NCALD: variants seen among roughly 807,000 people sequenced by gnomAD.
NCALD encodes the protein neurocalcin-delta.
Under a neutral mutation model 18.6 loss-of-function variants are expected in NCALD, and 10 were observed. That is an observed-to-expected ratio of 0.54 (90% CI 0.33 to 0.91). The LOEUF (loss-of-function observed/expected upper bound fraction) is 0.91, where lower values mean the gene tolerates loss of function less well. Ranked by LOEUF, NCALD falls within the 40% of genes least tolerant of loss-of-function variation. The pLI is 0.03. For synonymous variants in NCALD, 88 were observed against 87.4 expected (o/e 1.01, Z -0.04); for missense variants, 184 against 247.6 (o/e 0.74, Z 1.72).
At chr8:101,729,369 C>G (rs969432865) in intron 1 of NCALD, among the ~76,000 whole-genome samples, 1 of 152,222 alleles carries the variant, frequency 6.6e-6, no homozygotes, top group Admixed American at 6.5e-5. Flanking sequence ...ATTCTCTCCT[C>G]TCGCCTCTGC....
Position 102,082,224 on chromosome 8 carries a change from C to CTTTTTTTTT in NCALD, c.-210+42012_-210+42013insAAAAAAAAA, listed in dbSNP as rs1362023921. Among the ~76,000 whole-genome samples the CTTTTTTTTT allele has an allele frequency of 1.4e-3, 157 of 109,414 alleles. 16 individuals carry two copies. Among genetic ancestry groups the CTTTTTTTTT allele is most frequent in the African/African-American group, 5.7e-3 (151 of 26,452 alleles). 71.8% of individuals were successfully genotyped at this position (109,414 alleles called of 152,430 possible). A position where few individuals can be genotyped will look rare whatever the true frequency, so the allele number is the denominator to read the frequency against. On this transcript the variant is annotated intron_variant, in intron 1 of 6. Coordinates refer to the NCALD transcript ENST00000311028. ...AATGGGCAGTTATTTGAGAAGCTCT[C>CTTTTTTTTT]TCTTTTTTTTTTTTTTTTTTTTTTT... is the stretch of plus-strand genomic sequence containing the variant.
chr8:101,845,204 C>A (rs1436204691), intron 4 of NCALD, among the ~76,000 whole-genome samples: 1 of 152,192 alleles, frequency 6.6e-6, no homozygotes, highest in Non-Finnish European at 1.5e-5. Context: ...GAAAAAATGT[C>A]AGCTGAACTA....
At chr8:101,820,526 G>A (rs893064283) in intron 4 of NCALD, among the ~76,000 whole-genome samples, 8 of 152,202 alleles carry the variant, frequency 5.3e-5, no homozygotes, top group African/African-American at 1.2e-4. Flanking sequence ...TGTCTCAAGT[G>A]TGGTTTCTTA....
chr8:102,016,957 T>C (rs1464857839), intron 2 of NCALD, among the ~76,000 whole-genome samples: 1 of 151,892 alleles, frequency 6.6e-6, no homozygotes, highest in East Asian at 1.9e-4. Flanking sequence ...AAGGCTCTCA[T>C]GGAAAAGGAA....
intron 2 of NCALD, among the ~76,000 whole-genome samples, chr8:101,981,195 T>G (rs1287762966): frequency 6.6e-6 from 1 of 152,220 alleles, no homozygotes; most frequent in African/African-American, 2.4e-5. Context: ...AACCCGTTGG[T>G]TTATTACCAG....
chr8:101,796,870 G>T (rs1231523768), intron 4 of NCALD, among the ~76,000 whole-genome samples: 1 of 152,174 alleles, frequency 6.6e-6, no homozygotes, highest in African/African-American at 2.4e-5. Context: ...GGCCAAACCT[G>T]TCTCCCATTT....
At chr8:101,832,355 A>G (rs748411048) in intron 4 of NCALD, among the ~76,000 whole-genome samples, 1 of 152,110 alleles carries the variant, frequency 6.6e-6, no homozygotes, top group Admixed American at 6.5e-5. Context: ...AGACCCACAC[A>G]CTGGACGGAG....
chr8:102,002,601 T>A (rs1033690814), intron 2 of NCALD, among the ~76,000 whole-genome samples: 1 of 152,100 alleles, frequency 6.6e-6, no homozygotes, highest in Non-Finnish European at 1.5e-5. Flanking sequence ...ACCACACCTA[T>A]TCCAAAACTG....
chr8:101,878,235 T>A (rs16868671), intron 4 of NCALD, among the ~76,000 whole-genome samples: 1,996 of 152,374 alleles, frequency 0.013, 10 homozygotes, highest in African/African-American at 0.026. Flanking sequence ...CCACTGAAAG[T>A]GAGAGCTGTT....
intron 3 of NCALD, among the ~76,000 whole-genome samples, chr8:101,894,003 AC>A (rs1385975623): frequency 1.4e-5 from 2 of 147,522 alleles, no homozygotes; most frequent in Non-Finnish European, 2.9e-5. Context: ...TAAGCTCTCC[AC>A]CAAGTGGACC....
chr8:102,019,137 C>T (rs940322577), intron 2 of NCALD, among the ~76,000 whole-genome samples: 3 of 151,920 alleles, frequency 2.0e-5, no homozygotes, highest in African/African-American at 7.2e-5. Context: ...ATAAGATACC[C>T]AAATGGCCAA....
chr8:102,025,416 A>G (rs1422194309), intron 1 of NCALD, among the ~76,000 whole-genome samples: 2 of 152,216 alleles, frequency 1.3e-5, no homozygotes, highest in Non-Finnish European at 2.9e-5. Context: ...CCCACAATGA[A>G]TACTCACTTC....
At chr8:102,078,944 G>T (rs1322721053) in intron 1 of NCALD, among the ~76,000 whole-genome samples, 4 of 152,180 alleles carry the variant, frequency 2.6e-5, no homozygotes, top group Non-Finnish European at 5.9e-5. Flanking sequence ...GTAAATGAAG[G>T]AATATGAGTC....
At chr8:102,017,326 A>G (rs1487018824) in intron 2 of NCALD, among the ~76,000 whole-genome samples, 1 of 152,202 alleles carries the variant, frequency 6.6e-6, no homozygotes, top group Non-Finnish European at 1.5e-5. Context: ...ATAAAACTAA[A>G]TATAAAGCTT....
At chr8:102,112,650 G>T (rs1270590328) in intron 1 of NCALD, among the ~76,000 whole-genome samples, 2 of 152,172 alleles carry the variant, frequency 1.3e-5, no homozygotes, top group African/African-American at 4.8e-5. Flanking sequence ...AAGGTTGTTT[G>T]TCTCCACCAA....
In NCALD at chr8:102,064,418, G is replaced by A. The variant is rs978563132; in HGVS notation, c.-209-44129C>T. Among the ~76,000 whole-genome samples, 3 of 152,206 alleles carry A rather than the reference G, an allele frequency of 2.0e-5. No individual in the cohort carries two copies. The South Asian group carries it at 6.2e-4, about 31-fold the overall frequency. ...AAACAGGTGCCACCAGGGCAAGGCA[G>A]GCTGAGGGAGAATGAATGGATGGCT... is the stretch of plus-strand genomic sequence containing the variant. On this transcript the variant is annotated intron_variant, in intron 1 of 6. Coordinates refer to the NCALD transcript ENST00000311028.
At chr8:101,766,501 G>A (rs1811353211) in intron 1 of NCALD, among the ~76,000 whole-genome samples, 1 of 152,168 alleles carries the variant, frequency 6.6e-6, no homozygotes, top group Admixed American at 6.5e-5. Context: ...TCTAAGTTGT[G>A]TGTGAAATTT....
At chr8:102,027,516 G>A (rs1245340202) in intron 1 of NCALD, among the ~76,000 whole-genome samples, 1 of 152,122 alleles carries the variant, frequency 6.6e-6, no homozygotes, top group Non-Finnish European at 1.5e-5. Flanking sequence ...CAGCATTTTG[G>A]TTAAAGCCAT....
At chr8:101,943,708 A>G (rs1046557717) in intron 2 of NCALD, among the ~76,000 whole-genome samples, 4 of 152,146 alleles carry the variant, frequency 2.6e-5, no homozygotes, top group Non-Finnish European at 4.4e-5. Flanking sequence ...TGGGAGGCCG[A>G]GGCGGGCGGA....
Sources: allele counts gnomAD v4.1 joint callset (sites outside exome capture counted in the v4.1 genomes callset), GRCh38; gene constraint gnomAD v4.1.1; transcripts MANE v1.5; gene names NCBI Gene and HGNC (gene_info 2026-07-23, HGNC 2026-07-21).